GPHN: variants seen among roughly 807,000 people sequenced by gnomAD.
GPHN encodes the protein gephyrin.
In GPHN, 17 loss-of-function variants were observed where a neutral mutation model predicts 95.5. The observed-to-expected ratio is 0.18, with a 90% CI of 0.12 to 0.27. The LOEUF is 0.27. Among genes scored for constraint, GPHN ranks in the 10% least tolerant of loss-of-function variants. The pLI is 1.00. For missense variants in GPHN, 660 were observed against 978.1 expected (o/e 0.67, Z 4.34); for synonymous variants, 320 against 322.5 (o/e 0.99, Z 0.08).
chr14:67,096,537 T>C (rs2077402049), intron 12 of GPHN, among the ~76,000 whole-genome samples: 1 of 152,170 alleles, frequency 6.6e-6, no homozygotes, highest in Non-Finnish European at 1.5e-5. Context: ...AACAAATATT[T>C]ATTATCAGCG....
At chr14:67,543,341 G>A in the GPHN span, among the ~76,000 whole-genome samples, 1 of 152,192 alleles carries the variant, frequency 6.6e-6, no homozygotes, top group Non-Finnish European at 1.5e-5. Context: ...CTTGAACCTT[G>A]GGTCTGTTGA....
intron 1 of GPHN, among the ~76,000 whole-genome samples, chr14:66,520,302 G>A (rs2058424329): frequency 1.3e-5 from 2 of 152,132 alleles, no homozygotes; most frequent in Non-Finnish European, 2.9e-5. Context: ...CAATAAGGAT[G>A]TATTAATTAA....
In GPHN at chr14:66,589,664, C is replaced by G. The variant is rs189159327; in HGVS notation, c.64+81073C>G. Among the ~76,000 whole-genome samples the G allele has an allele frequency of 2.2e-3, 338 of 152,194 alleles. 1 individual carries two copies. The highest frequency in any genetic ancestry group is 7.9e-3 in the African/African-American group (327 of 41,536). ...AATACATATGCACCCAATACAGGAGCACCCAGATTCATAAAGCAAGTTCTT... is the reference window on the plus strand; with the variant it reads ...AATACATATGCACCCAATACAGGAGGACCCAGATTCATAAAGCAAGTTCTT... On this transcript the variant is annotated intron_variant, in intron 1 of 22. Transcript: ENST00000478722.
At chr14:67,576,614 C>A in the GPHN span, 1 of 590,918 alleles carries the variant, frequency 1.7e-6, no homozygotes, top group Non-Finnish European at 3.0e-6. This position sits in a 1 kb window ranked among gnomAD's most constrained non-coding sequence, Gnocchi z 4.0. Context: ...TTTAAAACAT[C>A]TAAGCCACAG....
chr14:67,401,882 G>A, the GPHN span, among the ~76,000 whole-genome samples: 1 of 152,152 alleles, frequency 6.6e-6, no homozygotes, highest in African/African-American at 2.4e-5. Context: ...CCAACATTTT[G>A]GGAGGCCGAG....
chr14:67,550,160 A>T, the GPHN span, among the ~76,000 whole-genome samples: 1 of 150,194 alleles, frequency 6.7e-6, no homozygotes, highest in African/African-American at 2.4e-5. Context: ...TCTGTTGCTA[A>T]AAAAAAAAAA....
chr14:67,168,213 A>G (rs2082393704), intron 20 of GPHN, among the ~76,000 whole-genome samples: 2 of 152,204 alleles, frequency 1.3e-5, no homozygotes, highest in South Asian at 4.1e-4. Context: ...GTGTCTTCAC[A>G]TGATCTTTCC....
intron 1 of GPHN, among the ~76,000 whole-genome samples, chr14:66,548,055 C>T (rs2059666431): frequency 6.6e-6 from 1 of 151,746 alleles, no homozygotes; most frequent in East Asian, 1.9e-4. Context: ...TTTTTTTTAA[C>T]AACGTGTACT....
chr14:67,316,965 T>G, the GPHN span: 6 of 1,298,226 alleles, frequency 4.6e-6, no homozygotes, highest in East Asian at 2.3e-5. Context: ...GAGCCATGTG[T>G]GAATCTGCAT....
chr14:67,128,102 C>G (rs2079444104), intron 17 of GPHN, among the ~76,000 whole-genome samples: 1 of 152,182 alleles, frequency 6.6e-6, no homozygotes, highest in Non-Finnish European at 1.5e-5. Context: ...CTCCCCGTGG[C>G]TTACCCTTGG....
intron 19 of GPHN, 124 bp downstream of exon 19, chr14:67,159,612 A>G: frequency 2.7e-6 from 2 of 747,022 alleles, no homozygotes; most frequent in Middle Eastern, 2.4e-4. Flanking sequence ...AAAAAGAAAT[A>G]TAGTATTAGG....
chr14:67,471,894 G>T, the GPHN span: 7 of 152,244 alleles, frequency 4.6e-5, no homozygotes, highest in African/African-American at 1.7e-4. Flanking sequence ...GTCCTAGTGT[G>T]GTCAAGAAGA....
chr14:67,264,826 G>A, the GPHN span, among the ~76,000 whole-genome samples: 1 of 151,922 alleles, frequency 6.6e-6, no homozygotes, highest in Non-Finnish European at 1.5e-5. Context: ...TATGCTTTTT[G>A]CCAGAAATGC....
the GPHN span, among the ~76,000 whole-genome samples, chr14:67,504,912 C>T: frequency 2.9e-5 from 3 of 103,510 alleles, no homozygotes; most frequent in African/African-American, 9.1e-5. Context: ...AAAACAAAAA[C>T]AAAAACACAA....
intron 1 of GPHN, among the ~76,000 whole-genome samples, chr14:66,610,772 T>A (rs1474797041): frequency 2.0e-5 from 3 of 152,132 alleles, no homozygotes; most frequent in African/African-American, 7.2e-5. Context: ...AGTGGGAATT[T>A]ATAGCCAATG....
chr14:67,645,913 CCTT>C, the GPHN span: 5 of 1,237,978 alleles, frequency 4.0e-6, no homozygotes, highest in East Asian at 2.4e-5. Flanking sequence ...GATTACCACT[CCTT>C]CATTTGTTCA....
At chr14:67,581,975 A>G in the GPHN span, 1 of 1,249,718 alleles carries the variant, frequency 8.0e-7, no homozygotes. Context: ...AGAGTACTTT[A>G]TCTTTTTGGA....
the GPHN span, among the ~76,000 whole-genome samples, chr14:67,496,174 G>C: frequency 2.6e-5 from 4 of 152,216 alleles, no homozygotes; most frequent in Non-Finnish European, 5.9e-5. Context: ...GGGTGACAGA[G>C]TGTGACCCTA....
chr14:66,561,867 G>A (rs10136957), intron 1 of GPHN, among the ~76,000 whole-genome samples: 49,860 of 151,930 alleles, frequency 0.33, 12,010 homozygotes, highest in African/African-American at 0.66. Flanking sequence ...TTCTTTCTGG[G>A]GGCTCGCAGG....
Sources: gnomAD v4.1 joint callset for allele counts (sites outside exome capture counted in the v4.1 genomes callset) on GRCh38, gnomAD v4.1.1 for gene constraint, Gnocchi (gnomAD v3.1) non-coding constraint, MANE v1.5 for transcripts, NCBI Gene and HGNC (gene_info 2026-07-23, HGNC 2026-07-21) for gene names.